The following TTC8 variants were observed in gnomAD, a reference collection of about 807,000 sequenced individuals.
TTC8 encodes tetratricopeptide repeat protein 8.
Under a neutral mutation model 72.5 loss-of-function variants are expected in TTC8, and 47 were observed. The ratio of observed to expected loss-of-function variants is 0.65; its 90% CI spans 0.51 to 0.83. The LOEUF (loss-of-function observed/expected upper bound fraction) is 0.83. Ranked by LOEUF, TTC8 falls within the 40% of genes least tolerant of loss-of-function variation. The probability of loss-of-function intolerance (pLI) is 0.00; values close to 1 mark genes in which losing one functional copy is unlikely to be tolerated. For synonymous variants in TTC8, 199 were observed against 221.4 expected, an observed-to-expected ratio of 0.90 and a Z score of 0.90; for missense variants, 611 against 623.2, an observed-to-expected ratio of 0.98 and a Z score of 0.21.
intron 13 of TTC8, 131 bp downstream of exon 13, chr14:88,872,583 A>G: frequency 7.6e-7 from 1 of 1,322,808 alleles, no homozygotes; most frequent in Non-Finnish European, 1.1e-6. Context: ...TTTGAATCCC[A>G]GCTCTGTTGT....
chr14:88,848,219 A>G (rs1406830485), intron 7 of TTC8, among the ~76,000 whole-genome samples: 1 of 151,946 alleles, frequency 6.6e-6, no homozygotes, highest in East Asian at 1.9e-4. Flanking sequence ...TTACATTAGA[A>G]AAAATGCTGG....
intron 10 of TTC8, among the ~76,000 whole-genome samples, chr14:88,867,512 A>G (rs74431368): frequency 1.4e-3 from 213 of 152,314 alleles, no homozygotes; most frequent in African/African-American, 4.9e-3. Context: ...TTCCTGAACA[A>G]TACTCAAGAA....
At chr14:88,862,983 T>C (rs75614550) in intron 10 of TTC8, among the ~76,000 whole-genome samples, 3,388 of 151,184 alleles carry the variant, frequency 0.022, 144 homozygotes, top group African/African-American at 0.078. Context: ...GGCCCTTTGC[T>C]CTTCCATATT....
intron 11 of TTC8, among the ~76,000 whole-genome samples, chr14:88,870,836 A>G (rs1197037187): frequency 6.6e-6 from 1 of 152,226 alleles, no homozygotes; most frequent in African/African-American, 2.4e-5. Context: ...GAGGCATAAA[A>G]TGTAATAATA....
At chr14:88,853,081 CT>C in intron 8 of TTC8, 25 bp downstream of exon 8, 1 of 1,569,856 alleles carries the variant, frequency 6.4e-7, no homozygotes, top group Non-Finnish European at 8.8e-7. Context: ...TTGTGAAGGG[CT>C]TAGAAGTGGC....
chr14:88,846,635 A>G lies in TTC8; in HGVS notation c.624+2785A>G, dbSNP rs916686427. On this transcript the variant is annotated intron_variant, in intron 7 of 14. Transcript: ENST00000380656. The stretch of plus-strand genomic sequence containing the variant: ...GATGTAGTTCTACATCTTGGAATTT[A>G]CCCATTCTTATTGAGGAATAAAAAT... 2.7e-5 allele frequency: 40 copies of G among 1,469,712 alleles called. No individual in the cohort carries two copies. The African/African-American group carries it at 5.2e-4, about 19-fold the overall frequency. 91.0% of individuals were successfully genotyped at this position (1,469,712 alleles called of 1,614,324 possible).
intron 10 of TTC8, among the ~76,000 whole-genome samples, chr14:88,865,945 T>C (rs1037976408): frequency 6.6e-6 from 1 of 152,216 alleles, no homozygotes; most frequent in East Asian, 1.9e-4. Flanking sequence ...GTGAGAAAGA[T>C]AGCCTATTAA....
Position 88,870,138 on chromosome 14 carries a change from C to T in TTC8, c.989C>T (p.Ala330Val). The change falls in exon 11 of 15, where the codon GCA becomes GTA. Residue 330 changes from alanine to valine, a missense_variant. Transcript: ENST00000380656. Reference sequence around the variant, plus strand: ...GACAATACTCATGTGGAAGCCATCGCATGCATTGGAAGCAACCACTTCTAT... The same window carrying T: ...GACAATACTCATGTGGAAGCCATCGTATGCATTGGAAGCAACCACTTCTAT... ...KQDNTHVEAIACIGSNHFYSD... is the reference protein window; with the variant it reads ...KQDNTHVEAIVCIGSNHFYSD... 1 of 1,614,082 alleles carries T rather than the reference C, an allele frequency of 6.2e-7. No homozygotes were observed. The highest frequency in any genetic ancestry group is 8.5e-7 in the Non-Finnish European group (1 of 1,179,954).
At chr14:88,838,069 C>T (rs2094761461) in intron 2 of TTC8, among the ~76,000 whole-genome samples, 1 of 152,114 alleles carries the variant, frequency 6.6e-6, no homozygotes, top group Non-Finnish European at 1.5e-5. Flanking sequence ...ACTTTGGGAA[C>T]CTAAATATGT....
At chr14:88,862,565 TATATATATA>T (rs1189281397) in intron 10 of TTC8, among the ~76,000 whole-genome samples, 3 of 54,518 alleles carry the variant, frequency 5.5e-5, no homozygotes, top group African/African-American at 8.2e-5. Flanking sequence ...TATATATATA[TATATATATA>T]TATATATATA....
At chr14:88,835,378 T>C (rs1829372092) in intron 2 of TTC8, among the ~76,000 whole-genome samples, 2 of 152,204 alleles carry the variant, frequency 1.3e-5, no homozygotes, top group Admixed American at 6.5e-5. Context: ...ATTTTCCTGA[T>C]GTTTGCTGGC....
At position 88,824,721 on chromosome 14, in the gene TTC8, T is replaced by C. The variant is rs1398122066; in HGVS notation, c.14T>C (p.Met5Thr). 6.2e-7 allele frequency: 1 copy of C among 1,609,114 alleles called. No homozygotes were observed. Among genetic ancestry groups the C allele is most frequent in the Admixed American group, 1.7e-5 (1 of 59,568 alleles). Residue 5 changes from methionine to threonine, a missense_variant, in exon 1 of 15, where the codon ATG becomes ACG. Transcript: ENST00000380656. ...GCACCGGCAGCCATGAGCTCGGAGA[T>C]GGAGCCGCTGCTCCTGGCCTGGAGC... is the stretch of plus-strand genomic sequence containing the variant. Reference protein sequence around the residue: MSSEMEPLLLAWSYF... With the variant: MSSETEPLLLAWSYF...
intron 7 of TTC8, among the ~76,000 whole-genome samples, chr14:88,844,463 A>G (rs929660481): frequency 6.6e-6 from 1 of 152,156 alleles, no homozygotes; most frequent in Non-Finnish European, 1.5e-5. Context: ...TCATTTTCCT[A>G]TTAGTTCCAG....
At chr14:88,825,351 G>T (rs1219850073) in intron 1 of TTC8, among the ~76,000 whole-genome samples, 7 of 152,116 alleles carry the variant, frequency 4.6e-5, no homozygotes, top group African/African-American at 1.7e-4. Context: ...CAAATTAGAA[G>T]AATGAGAATC....
intron 1 of TTC8, among the ~76,000 whole-genome samples, chr14:88,831,585 C>A (rs1233414017): frequency 6.6e-6 from 1 of 152,180 alleles, no homozygotes; most frequent in Non-Finnish European, 1.5e-5. Flanking sequence ...GTGTTCTCAT[C>A]TGTAAATGGT....
At chr14:88,830,603 A>G (rs567762489) in intron 1 of TTC8, among the ~76,000 whole-genome samples, 2 of 152,368 alleles carry the variant, frequency 1.3e-5, no homozygotes, top group South Asian at 4.1e-4. Flanking sequence ...AATGTAGATT[A>G]TATGACTTGT....
At chr14:88,845,381 G>T (rs2094801395) in intron 7 of TTC8, among the ~76,000 whole-genome samples, 1 of 152,178 alleles carries the variant, frequency 6.6e-6, no homozygotes, top group African/African-American at 2.4e-5. Context: ...GGCGTTTTGA[G>T]CTTGAAATGA....
At chr14:88,840,691 G>A in intron 3 of TTC8, 174 bp from the exon 4 acceptor site, 1 of 674,838 alleles carries the variant, frequency 1.5e-6, no homozygotes, top group Non-Finnish European at 2.6e-6. Context: ...GATGACATAA[G>A]TAACATGATA....
At chr14:88,831,367 A>C (rs966839630) in intron 1 of TTC8, among the ~76,000 whole-genome samples, 7 of 152,198 alleles carry the variant, frequency 4.6e-5, no homozygotes, top group Admixed American at 3.9e-4. Flanking sequence ...CATGAGTATA[A>C]ATACAGTTGC....
Sources: gnomAD v4.1 joint callset for allele counts (sites outside exome capture counted in the v4.1 genomes callset) on GRCh38, gnomAD v4.1.1 for gene constraint, MANE v1.5 for transcripts, NCBI Gene and HGNC (gene_info 2026-07-23, HGNC 2026-07-21) for gene names.